Variants in LARGE1 observed in about 807,000 individuals in gnomAD.
The protein encoded by LARGE1 is LARGE xylosyl- and glucuronyltransferase 1, also known as xylosyl- and glucuronyltransferase LARGE1.
A neutral mutation model predicts 87.6 loss-of-function variants in LARGE1; 43 were observed. The ratio of observed to expected loss-of-function variants is 0.49; its 90% CI spans 0.38 to 0.63. The LOEUF is 0.63. Among genes scored for constraint, LARGE1 ranks in the 30% least tolerant of loss-of-function variants. LARGE1 has a pLI of 0.00. For synonymous variants in LARGE1, 434 were observed against 394.6 expected (o/e 1.10, Z -1.18); for missense variants, 802 against 1,000.2 (o/e 0.80, Z 2.67).
chr22:33,502,714 G>A (rs1371573247), intron 6 of LARGE1, among the ~76,000 whole-genome samples: 2 of 152,046 alleles, frequency 1.3e-5, no homozygotes, highest in African/African-American at 2.4e-5. Flanking sequence ...GACTACAGGC[G>A]CCTGCCACCA....
chr22:33,742,976 A>T (rs2083943051), intron 2 of LARGE1, among the ~76,000 whole-genome samples: 1 of 152,026 alleles, frequency 6.6e-6, no homozygotes, highest in Non-Finnish European at 1.5e-5. Context: ...TCATGGGGGC[A>T]GATTTCTCAT....
chr22:33,746,056 T>C (rs1473942302), intron 2 of LARGE1, among the ~76,000 whole-genome samples: 1 of 152,226 alleles, frequency 6.6e-6, no homozygotes, highest in African/African-American at 2.4e-5. Context: ...TGTGCCTCTG[T>C]TCCCCCATCT....
chr22:33,863,727 C>T (rs2064003629), intron 1 of LARGE1, among the ~76,000 whole-genome samples: 1 of 151,410 alleles, frequency 6.6e-6, no homozygotes, highest in Admixed American at 6.6e-5. Flanking sequence ...GACATTGCGC[C>T]ATTGCACTCC....
At chr22:33,200,134 A>G (rs1328035809) in intron 11 of LARGE1, among the ~76,000 whole-genome samples, 1 of 152,148 alleles carries the variant, frequency 6.6e-6, no homozygotes, top group African/African-American at 2.4e-5. Flanking sequence ...AGTGTGAGCC[A>G]CTGCGCCCAG....
chr22:33,836,658 G>A (rs1054181712), intron 1 of LARGE1, among the ~76,000 whole-genome samples: 5 of 152,096 alleles, frequency 3.3e-5, no homozygotes, highest in African/African-American at 1.2e-4. Flanking sequence ...AAAAGAATGA[G>A]CTTCAGCAAC....
chr22:33,303,814 G>GGA (rs1555892184), intron 12 of LARGE1, among the ~76,000 whole-genome samples: 1 of 151,368 alleles, frequency 6.6e-6, no homozygotes, highest in Non-Finnish European at 1.5e-5. Context: ...TAGTAGGGGG[G>GGA]GGGTTTCACC....
rs192429733 is a variant in LARGE1 at position 33,302,317 on chromosome 22, A to T, written c.1730+1912T>A. Among the ~76,000 whole-genome samples, 610 of 152,318 alleles carry T rather than the reference A, an allele frequency of 4.0e-3. 9 individuals are homozygous for T. The highest frequency in any genetic ancestry group is 0.014 in the African/African-American group (593 of 41,574). On this transcript the variant is annotated intron_variant, in intron 12 of 14. Coordinates refer to ENST00000397394, the MANE Select transcript of LARGE1 (RefSeq NM_133642.5). ...CCTGGTGGGTCAGGGGTTGAGGCTCATGGTGCTGGGTACCACAGCACCTCC... is the reference window on the plus strand; with the variant it reads ...CCTGGTGGGTCAGGGGTTGAGGCTCTTGGTGCTGGGTACCACAGCACCTCC...
intron 11 of LARGE1, among the ~76,000 whole-genome samples, chr22:33,206,689 AGGT>A (rs1924705187): frequency 6.6e-6 from 1 of 152,218 alleles, no homozygotes; most frequent in East Asian, 1.9e-4. Flanking sequence ...ACAGTCCAAT[AGGT>A]CTCTGCTCCT....
intron 7 of LARGE1, among the ~76,000 whole-genome samples, chr22:33,402,600 T>G (rs942039573): frequency 3.9e-5 from 6 of 152,184 alleles, no homozygotes; most frequent in Non-Finnish European, 8.8e-5. Context: ...GGTACTCTTC[T>G]GCAAAATGGA....
intron 9 of LARGE1, among the ~76,000 whole-genome samples, chr22:33,364,956 A>G: frequency 6.6e-6 from 1 of 152,088 alleles, no homozygotes; most frequent in Non-Finnish European, 1.5e-5. Context: ...TCAGCCTCCC[A>G]AAGTGCTGAG....
intron 2 of LARGE1, among the ~76,000 whole-genome samples, chr22:33,671,447 ATG>A (rs1382247833): frequency 2.0e-5 from 3 of 152,246 alleles, no homozygotes; most frequent in African/African-American, 7.2e-5. Context: ...GCATTCACGT[ATG>A]TGTGTTTCAT....
chr22:33,206,400 T>C (rs560529955), intron 11 of LARGE1, among the ~76,000 whole-genome samples: 1 of 152,188 alleles, frequency 6.6e-6, no homozygotes. Context: ...CCAAATTGCA[T>C]GACTTTTTTT....
At chr22:33,381,098 A>AGTGG (rs2065140472) in intron 9 of LARGE1, among the ~76,000 whole-genome samples, 1 of 152,166 alleles carries the variant, frequency 6.6e-6, no homozygotes, top group African/African-American at 2.4e-5. Context: ...CCATGAGAAA[A>AGTGG]CACCATACTG....
At chr22:33,396,570 T>G (rs2065754412) in intron 7 of LARGE1, among the ~76,000 whole-genome samples, 1 of 151,812 alleles carries the variant, frequency 6.6e-6, no homozygotes, top group Non-Finnish European at 1.5e-5. Flanking sequence ...CTTGGCTGGG[T>G]TTTTCTCAAG....
intron 3 of LARGE1, among the ~76,000 whole-genome samples, chr22:33,628,477 C>T (rs1220869089): frequency 6.6e-6 from 1 of 151,970 alleles, no homozygotes; most frequent in Admixed American, 6.6e-5. Context: ...CTACTACGTC[C>T]AGGTAATTTT....
At chr22:33,717,549 C>G (rs1008036398) in intron 2 of LARGE1, among the ~76,000 whole-genome samples, 3 of 152,164 alleles carry the variant, frequency 2.0e-5, no homozygotes, top group African/African-American at 7.2e-5. Flanking sequence ...CACAGAGGAG[C>G]CCGTAAAGAT....
At chr22:33,551,463 T>A (rs961460541) in intron 6 of LARGE1, among the ~76,000 whole-genome samples, 1 of 152,222 alleles carries the variant, frequency 6.6e-6, no homozygotes, top group Admixed American at 6.5e-5. Flanking sequence ...TTCACATGGC[T>A]ATTAGTTCAA....
At chr22:33,391,985 G>T (rs2065544745) in intron 7 of LARGE1, among the ~76,000 whole-genome samples, 1 of 151,802 alleles carries the variant, frequency 6.6e-6, no homozygotes. Context: ...TGGCCAGGCT[G>T]CTCTCGAACT....
intron 6 of LARGE1, among the ~76,000 whole-genome samples, chr22:33,451,003 C>A (rs1210284709): frequency 6.6e-6 from 1 of 152,324 alleles, no homozygotes; most frequent in East Asian, 1.9e-4. Context: ...GCTCTGTCAG[C>A]AAAGCCAGTG....
Sources: allele counts gnomAD v4.1 joint callset (sites outside exome capture counted in the v4.1 genomes callset), GRCh38; gene constraint gnomAD v4.1.1; transcripts MANE v1.5; gene names NCBI Gene and HGNC (gene_info 2026-07-23, HGNC 2026-07-21).